CHAF1A: variants seen among roughly 807,000 people sequenced by gnomAD.
CHAF1A encodes chromatin assembly factor 1 subunit A.
Under a neutral mutation model 93.2 loss-of-function variants are expected in CHAF1A, and 5 were observed. That is an observed-to-expected ratio of 0.05 (90% CI 0.03 to 0.11). The LOEUF (loss-of-function observed/expected upper bound fraction) is 0.11, where lower values mean the gene tolerates loss of function less well. Among genes scored for constraint, CHAF1A ranks in the 10% least tolerant of loss-of-function variants. The probability of loss-of-function intolerance (pLI) is 1.00; values close to 1 mark genes in which losing one functional copy is unlikely to be tolerated. For synonymous variants in CHAF1A, 504 were observed against 510.3 expected (o/e 0.99, Z 0.17); for missense variants, 1,102 against 1,259.9 (o/e 0.87, Z 1.90).
At position 4,408,931 on chromosome 19, in the gene CHAF1A, T is replaced by C. The variant is rs1406783929; in HGVS notation, c.132T>C (p.Leu44=). The C allele has an allele frequency of 6.2e-7, 1 of 1,610,116 alleles. No individual in the cohort carries two copies. The highest frequency in any genetic ancestry group is 2.2e-5 in the East Asian group (1 of 44,876). Residue 44 remains leucine (L), a synonymous_variant, in exon 3 of 15, where the codon CTT becomes CTC. Coordinates refer to ENST00000301280, the MANE Select transcript of CHAF1A (RefSeq NM_005483.3). ...GTCTGCCGTTTAAGCGCCTGAATCT[T>C]GTCCCAAAGGGGAAAGCCGATGACA... ...QARLPFKRLN[L]VPKGKADDMS...
intron 3 of CHAF1A, among the ~76,000 whole-genome samples, chr19:4,416,654 G>GC (rs66613341): frequency 0.49 from 73,769 of 151,926 alleles, 18,342 homozygotes; most frequent in Admixed American, 0.66. Context: ...ACTTTGGGAG[G>GC]CGAGGCGGGT....
intron 13 of CHAF1A, among the ~76,000 whole-genome samples, chr19:4,434,519 A>G (rs573610350): frequency 6.6e-6 from 1 of 151,976 alleles, no homozygotes; most frequent in African/African-American, 2.4e-5. Context: ...TGCCCGTCCA[A>G]TCCCTTGGAA....
chr19:4,428,556 C>T, intron 7 of CHAF1A, 108 bp from the exon 8 acceptor site: 2 of 944,780 alleles, frequency 2.1e-6, no homozygotes, highest in Non-Finnish European at 3.3e-6. Context: ...TGAGTCTGTG[C>T]CTTGGCCTTA....
intron 13 of CHAF1A, among the ~76,000 whole-genome samples, chr19:4,440,915 C>T (rs1442388994): frequency 4.0e-5 from 6 of 150,456 alleles, no homozygotes; most frequent in East Asian, 3.9e-4. Flanking sequence ...GTCAGGAGTT[C>T]GAGACCAGCC....
At chr19:4,418,208 T>C in intron 4 of CHAF1A, 132 bp downstream of exon 4, 1 of 592,916 alleles carries the variant, frequency 1.7e-6, no homozygotes, top group Non-Finnish European at 2.9e-6. Flanking sequence ...TCATTTTGAT[T>C]CCTGCTTCAT....
intron 3 of CHAF1A, among the ~76,000 whole-genome samples, chr19:4,414,198 C>T (rs999189529): frequency 3.3e-5 from 5 of 152,008 alleles, no homozygotes; most frequent in South Asian, 2.1e-4. Flanking sequence ...CTTAGGAGTT[C>T]GAAACCAGCT....
rs1460763045 is a variant in CHAF1A, at chr19:4,416,656, G to A, written c.961-1364G>A. On this transcript the variant is annotated intron_variant, in intron 3 of 14. Coordinates refer to ENST00000301280, the MANE Select transcript of CHAF1A (RefSeq NM_005483.3). ...CTGAATTCCTAGCACTTTGGGAGGC[G>A]AGGCGGGTGGATCACCTGAGGTCAG... Among the ~76,000 whole-genome samples, 3 of 148,448 alleles carry A rather than the reference G, an allele frequency of 2.0e-5. No homozygotes were observed. The East Asian group carries it at 6.0e-4, about 30-fold the overall frequency.
chr19:4,448,367 A>G, downstream of CHAF1A: 1 of 1,610,818 alleles, frequency 6.2e-7, no homozygotes, highest in Non-Finnish European at 8.5e-7. Context: ...TCTTTGTTGA[A>G]CGTGTAGATC....
intron 3 of CHAF1A, among the ~76,000 whole-genome samples, chr19:4,410,635 C>T (rs1973778496): frequency 6.6e-6 from 1 of 152,086 alleles, no homozygotes; most frequent in Non-Finnish European, 1.5e-5. Context: ...CCCGTCTTGG[C>T]CTCCCAAAGT....
chr19:4,426,178 T>C (rs1303442934), intron 7 of CHAF1A, among the ~76,000 whole-genome samples: 2 of 150,666 alleles, frequency 1.3e-5, no homozygotes, highest in African/African-American at 4.9e-5. Context: ...TTTTTTTTTT[T>C]TTTTTTTGAG....
chr19:4,417,963 T>C, intron 3 of CHAF1A, 57 bp from the exon 4 acceptor site: 1 of 1,309,440 alleles, frequency 7.6e-7, no homozygotes, highest in Non-Finnish European at 1.1e-6. Flanking sequence ...AGGTTTCTCT[T>C]TTTCTCGAAG....
Position 4,428,212 on chromosome 19 carries a change from G to A in CHAF1A, c.1378-452G>A, listed in dbSNP as rs181711559. The stretch of plus-strand genomic sequence containing the variant: ...TCACCATGTTGGGCAGGCTGGTCTC[G>A]AACTCCTGACCTCAGGTGATCCGCC... On this transcript the variant is annotated intron_variant, in intron 7 of 14. Transcript: ENST00000301280. 1.9e-4 allele frequency among the ~76,000 whole-genome samples: 29 copies of A among 149,052 alleles called. 1 individual carries two copies. Among genetic ancestry groups the A allele is most frequent in the Admixed American group, 6.7e-4 (10 of 14,842 alleles).
At position 4,409,008 on chromosome 19, in the gene CHAF1A, C is replaced by T. The variant is rs1358937015; in HGVS notation, c.209C>T (p.Ala70Val). The T allele has an allele frequency of 6.2e-6, 10 of 1,614,020 alleles. No individual in the cohort carries two copies. Among genetic ancestry groups the T allele is most frequent in the Non-Finnish European group, 7.6e-6 (9 of 1,180,036 alleles). The change falls in exon 3 of 15, where the codon GCC becomes GTC. Residue 70 changes from alanine (A) to valine (V), a missense_variant. Ala to Val is a moderately conservative substitution (Grantham distance 64). Transcript: ENST00000301280. ...SVQSKSPDLE[A>V]SLDTLENNCH... ...CAAAGTAAAAGCCCCGATTTAGAGGCCTCTTTGGACACCTTGGAAAACAAC... is the reference window on the plus strand; with the variant it reads ...CAAAGTAAAAGCCCCGATTTAGAGGTCTCTTTGGACACCTTGGAAAACAAC...
chr19:4,439,467 C>T (rs1974347064), intron 13 of CHAF1A, among the ~76,000 whole-genome samples: 1 of 152,170 alleles, frequency 6.6e-6, no homozygotes, highest in Non-Finnish European at 1.5e-5. Flanking sequence ...GGCAGCTCAG[C>T]ACAGTGGGAC....
downstream of CHAF1A, chr19:4,446,055 G>A (rs141667104): frequency 1.7e-4 from 269 of 1,611,066 alleles, 2 homozygotes; most frequent in African/African-American, 2.6e-3. Flanking sequence ...TCACCAGCCC[G>A]CACTCGTTCA....
downstream of CHAF1A, chr19:4,448,686 T>C (rs977913746): frequency 2.0e-5 from 10 of 500,436 alleles, no homozygotes; most frequent in African/African-American, 1.5e-4. Context: ...TGGAAGCCAG[T>C]GTGACGCGAC....
intron 13 of CHAF1A, among the ~76,000 whole-genome samples, chr19:4,438,981 CAAAA>C (rs1003962747): frequency 6.7e-6 from 1 of 148,304 alleles, no homozygotes; most frequent in Non-Finnish European, 1.5e-5. Context: ...GATTCTGTCT[CAAAA>C]AAAAAGCATA....
In CHAF1A at chr19:4,408,890, G is replaced by T. The variant is rs369896445; in HGVS notation, c.104-13G>T. On this transcript the variant is annotated splice_polypyrimidine_tract_variant and intron_variant, in intron 2 of 14. Transcript: ENST00000301280. ...AAACGTTCACTAGAGATGGCTTTCT[G>T]TCTTTGTTTCAGCCCGTCTGCCGTT... The T allele has an allele frequency of 8.2e-6, 13 of 1,586,654 alleles. No individual in the cohort carries two copies. Among genetic ancestry groups the T allele is most frequent in the Middle Eastern group, 1.7e-4 (1 of 5,922 alleles).
chr19:4,423,505 C>A, intron 6 of CHAF1A, 110 bp downstream of exon 6: 1 of 1,563,654 alleles, frequency 6.4e-7, no homozygotes, highest in South Asian at 1.2e-5. Flanking sequence ...TTTGGGGAAA[C>A]CAAATGGCGC....
Sources: gnomAD v4.1 joint callset for allele counts (sites outside exome capture counted in the v4.1 genomes callset) on GRCh38, gnomAD v4.1.1 for gene constraint, MANE v1.5 for transcripts, NCBI Gene and HGNC (gene_info 2026-07-23, HGNC 2026-07-21) for gene names.